SETX: variants seen among roughly 807,000 people sequenced by gnomAD.
The protein encoded by SETX is helicase senataxin.
A neutral mutation model predicts 227.2 loss-of-function variants in SETX; 90 were observed. The ratio of observed to expected loss-of-function variants is 0.40; its 90% CI spans 0.33 to 0.47. SETX has a LOEUF of 0.47. SETX is among the 20% of genes least tolerant of loss of function. The pLI is 0.91. For synonymous variants in SETX, 1,210 were observed against 1,113.2 expected, an observed-to-expected ratio of 1.09 and a Z score of -1.73; for missense variants, 3,052 against 3,181.5, an observed-to-expected ratio of 0.96 and a Z score of 0.98.
In SETX at chr9:132,314,225, T is replaced by C. The variant is rs113412824; in HGVS notation, c.5275-2369A>G. Among the ~76,000 whole-genome samples, 1,169 of 152,328 alleles carry C rather than the reference T, an allele frequency of 7.7e-3. 11 individuals are homozygous for C. Among genetic ancestry groups the C allele is most frequent in the African/African-American group, 0.026 (1,091 of 41,578 alleles). On this transcript the variant is annotated intron_variant, in intron 10 of 25. Transcript: ENST00000224140. ...CTCCTGCCTCAGCCTCCCAAGTAGCTGGGATTACAGGCGCCCACCACCACG... is the reference window on the plus strand; with the variant it reads ...CTCCTGCCTCAGCCTCCCAAGTAGCCGGGATTACAGGCGCCCACCACCACG...
chr9:132,350,269 G>A (rs1848534224), intron 2 of SETX, among the ~76,000 whole-genome samples: 1 of 152,172 alleles, frequency 6.6e-6, no homozygotes, highest in African/African-American at 2.4e-5. Context: ...AGTACTGCCT[G>A]AACGTGGGAG....
At position 132,328,294 on chromosome 9, in the gene SETX, AATT is replaced by A; in HGVS notation, c.3301_3303del (p.Asn1101del). ...CATTTTTTCTCACCATCTTGAACTGAATTATTATCGTCTGGATGATCTTGCCAA... is the reference window on the plus strand; with the variant it reads ...CATTTTTTCTCACCATCTTGAACTGAATTATCGTCTGGATGATCTTGCCAA... On this transcript the variant is annotated inframe_deletion, in exon 10 of 26. Transcript: ENST00000224140. The A allele has an allele frequency of 6.2e-7, 1 of 1,614,040 alleles. No homozygotes were observed. Among genetic ancestry groups the A allele is most frequent in the South Asian group, 1.1e-5 (1 of 91,070 alleles).
At chr9:132,349,521 C>T (rs967536819) in intron 2 of SETX, 86 bp from the exon 3 acceptor site, 8 of 1,389,122 alleles carry the variant, frequency 5.8e-6, no homozygotes, top group African/African-American at 1.4e-5. Context: ...AACTTGTGAC[C>T]CTGGTTTCAA....
chr9:132,300,130 CAAA>C lies in SETX; in HGVS notation c.5548+497_5548+499del, dbSNP rs72582907. ...GGACAACAAGAGTGAAACTCCGTCT[CAAA>C]AAAAAAAAAAAAAAAAAAAAAAGGG... On this transcript the variant is annotated intron_variant, in intron 12 of 25. Coordinates refer to ENST00000224140, the MANE Select transcript of SETX (RefSeq NM_015046.7). Among the ~76,000 whole-genome samples the C allele has an allele frequency of 9.6e-3, 453 of 47,162 alleles. 2 individuals are homozygous for C. Among genetic ancestry groups the C allele is most frequent in the African/African-American group, 0.024 (344 of 14,376 alleles). 30.9% of individuals were successfully genotyped at this position (47,162 alleles called of 152,430 possible). A position where few individuals can be genotyped will look rare whatever the true frequency, so the allele number is the denominator to read the frequency against.
intron 24 of SETX, 66 bp from the exon 25 acceptor site, chr9:132,269,768 G>C (rs1410504205): frequency 6.7e-7 from 1 of 1,502,500 alleles, no homozygotes; most frequent in East Asian, 2.3e-5. Context: ...TGAGACAAAG[G>C]TGGACTCTAG....
intron 17 of SETX, among the ~76,000 whole-genome samples, chr9:132,288,006 C>T (rs763852079): frequency 6.6e-6 from 1 of 152,144 alleles, no homozygotes; most frequent in Non-Finnish European, 1.5e-5. Context: ...GAAACCCCAT[C>T]TCCATTAAAA....
chr9:132,275,105 TC>T (rs1843088949), intron 23 of SETX, 150 bp downstream of exon 23: 6 of 779,092 alleles, frequency 7.7e-6, no homozygotes, highest in Non-Finnish European at 1.3e-5. Flanking sequence ...ACAGCACAAG[TC>T]TATGAAAGCC....
chr9:132,279,838 T>C (rs1343038234), intron 20 of SETX, among the ~76,000 whole-genome samples: 3 of 152,150 alleles, frequency 2.0e-5, no homozygotes, highest in African/African-American at 7.2e-5. Context: ...TATTCTGACA[T>C]GGGAGGATGT....
chr9:132,310,116 C>G (rs1364855941), intron 11 of SETX, among the ~76,000 whole-genome samples: 1 of 152,082 alleles, frequency 6.6e-6, no homozygotes, highest in Non-Finnish European at 1.5e-5. Context: ...AAGCCTTGAA[C>G]AGGCACTTTC....
Position 132,327,226 on chromosome 9 carries a change from C to CA in SETX, c.4371dup (p.Val1458CysfsTer12). 1.2e-6 allele frequency: 2 copies of CA among 1,614,172 alleles called. No homozygotes were observed. Among genetic ancestry groups the CA allele is most frequent in the Non-Finnish European group, 1.7e-6 (2 of 1,180,048 alleles). On this transcript the variant is annotated frameshift_variant, in exon 10 of 26. Coordinates refer to ENST00000224140, the MANE Select transcript of SETX (RefSeq NM_015046.7). LOFTEE classifies it high-confidence loss of function. ...CCCAGAGGGTCTTCTGAAGTGGAGA[C>CA]AATTACTTCATTTGTTGGTACTGTT...
At chr9:132,288,737 AAT>A (rs1330313633) in intron 15 of SETX, 86 bp from the exon 16 acceptor site, 2 of 891,164 alleles carry the variant, frequency 2.2e-6, no homozygotes, top group Non-Finnish European at 3.6e-6. Context: ...TTTCTAAGTA[AAT>A]ATGTTAATAA....
intron 3 of SETX, among the ~76,000 whole-genome samples, chr9:132,348,177 T>C (rs1848396662): frequency 6.6e-6 from 1 of 150,986 alleles, no homozygotes; most frequent in Non-Finnish European, 1.5e-5. Context: ...TGGGCCAACA[T>C]GGTAAAACCC....
Position 132,281,532 on chromosome 9 carries a change from G to A in SETX, c.6589C>T (p.His2197Tyr). 6.2e-7 allele frequency: 1 copy of A among 1,614,038 alleles called. No individual in the cohort carries two copies. The highest frequency in any genetic ancestry group is 1.6e-4 in the Middle Eastern group (1 of 6,062). Residue 2197 changes from histidine (H) to tyrosine (Y), a missense_variant, in exon 20 of 26, where the codon CAT becomes TAT. By Grantham distance (83) the His-to-Tyr change is moderately conservative. Coordinates refer to ENST00000224140, the MANE Select transcript of SETX (RefSeq NM_015046.7). ...CEIETLTPLIHRCNKLILVGD... is the reference protein window; with the variant it reads ...CEIETLTPLIYRCNKLILVGD... ...ACTAGGATGAGCTTATTGCAGCGAT[G>A]GATGAGTGGAGTAAGAGTCTCAATT...
At chr9:132,340,504 A>G (rs1355334874) in intron 5 of SETX, among the ~76,000 whole-genome samples, 2 of 152,108 alleles carry the variant, frequency 1.3e-5, no homozygotes, top group Non-Finnish European at 2.9e-5. Flanking sequence ...ATGCCCAATC[A>G]ATTCAGGGCT....
At position 132,277,789 on chromosome 9, in the gene SETX, C is replaced by CAAAAAAAA. The variant is rs372125008; in HGVS notation, c.6842+273_6842+280dup. On this transcript the variant is annotated intron_variant, in intron 21 of 25. Transcript: ENST00000224140. Reference sequence around the variant, plus strand: ...GAGTGACAGAATGAGACCCTGTCTTCAAAAAAAAAAAAAAAAAAAAAAAGG... The same window carrying CAAAAAAAA: ...GAGTGACAGAATGAGACCCTGTCTTCAAAAAAAAAAAAAAAAAAAAAAAAAAAAAAAGG... 1.0e-4 allele frequency among the ~76,000 whole-genome samples: 7 copies of CAAAAAAAA among 68,118 alleles called. No homozygotes were observed. The East Asian group carries it at 2.0e-3, about 20-fold the overall frequency. 44.7% of individuals were successfully genotyped at this position (68,118 alleles called of 152,430 possible). A position where few individuals can be genotyped will look rare whatever the true frequency, so the allele number is the denominator to read the frequency against.
At chr9:132,349,027 G>A (rs564170887) in intron 3 of SETX, among the ~76,000 whole-genome samples, 1 of 151,456 alleles carries the variant, frequency 6.6e-6, no homozygotes, top group Non-Finnish European at 1.5e-5. Context: ...GAATATACTC[G>A]AATGTGTAAA....
intron 6 of SETX, 132 bp downstream of exon 6, chr9:132,336,164 A>AC (rs1179753305): frequency 2.7e-6 from 2 of 751,240 alleles, no homozygotes; most frequent in Non-Finnish European, 4.6e-6. Flanking sequence ...AATTGCTTGA[A>AC]CCTGGGAGGT....
intron 4 of SETX, among the ~76,000 whole-genome samples, chr9:132,344,234 G>C (rs887913629): frequency 2.0e-5 from 3 of 152,284 alleles, no homozygotes; most frequent in Admixed American, 6.5e-5. Flanking sequence ...GTTTTTTAGA[G>C]ACAGGGTCTT....
chr9:132,309,306 A>G (rs1301680789), intron 11 of SETX, among the ~76,000 whole-genome samples: 3 of 152,190 alleles, frequency 2.0e-5, no homozygotes, highest in East Asian at 1.9e-4. Flanking sequence ...CTCCAGACGC[A>G]TGACAAACAT....
Sources: gnomAD v4.1 joint callset for allele counts (sites outside exome capture counted in the v4.1 genomes callset) on GRCh38, gnomAD v4.1.1 for gene constraint, MANE v1.5 for transcripts, NCBI Gene and HGNC (gene_info 2026-07-23, HGNC 2026-07-21) for gene names.